The following ARL8B variants were observed in gnomAD, a reference collection of about 807,000 sequenced individuals.
ARL8B encodes the protein ARF like GTPase 8B.
In ARL8B, 9 loss-of-function variants were observed where a neutral mutation model predicts 30.6. The ratio of observed to expected loss-of-function variants is 0.29; its 90% confidence interval spans 0.18 to 0.51. ARL8B has a LOEUF of 0.51. Ranked by LOEUF, ARL8B falls within the 20% of genes least tolerant of loss-of-function variation. The pLI is 0.97. For missense variants in ARL8B, 130 were observed against 227.2 expected, an observed-to-expected ratio of 0.57 and a Z score of 2.75; for synonymous variants, 74 against 76.0, an observed-to-expected ratio of 0.97 and a Z score of 0.14.
intron 1 of ARL8B, among the ~76,000 whole-genome samples, chr3:5,138,325 C>A (rs694802): frequency 3.6e-4 from 54 of 151,860 alleles, no homozygotes; most frequent in Non-Finnish European, 5.6e-4. Context: ...TAATGACTCT[C>A]GTTCATTTGC....
At chr3:5,145,537 C>A (rs2054411787) in intron 1 of ARL8B, among the ~76,000 whole-genome samples, 1 of 152,092 alleles carries the variant, frequency 6.6e-6, no homozygotes, top group Non-Finnish European at 1.5e-5. Context: ...CTTCCCTCCC[C>A]AGGTTTGAGT....
At chr3:5,136,656 G>A (rs527576974) in intron 1 of ARL8B, among the ~76,000 whole-genome samples, 1 of 152,314 alleles carries the variant, frequency 6.6e-6, no homozygotes, top group East Asian at 1.9e-4. Flanking sequence ...GGCAGGATTT[G>A]GAAAGGGGAT....
intron 1 of ARL8B, among the ~76,000 whole-genome samples, chr3:5,132,449 G>A (rs62253641): frequency 0.11 from 16,087 of 152,066 alleles, 968 homozygotes; most frequent in Non-Finnish European, 0.14. Context: ...ATGTTGGCCA[G>A]GCTGGCCTTG....
intron 1 of ARL8B, among the ~76,000 whole-genome samples, chr3:5,169,362 CTCATT>C (rs1208742465): frequency 2.6e-5 from 4 of 151,460 alleles, no homozygotes; most frequent in East Asian, 1.9e-4. Context: ...AGACTTCTGG[CTCATT>C]TCATTTAGCA....
chr3:5,140,640 C>G (rs2054365305), intron 1 of ARL8B, among the ~76,000 whole-genome samples: 1 of 151,226 alleles, frequency 6.6e-6, no homozygotes, highest in Non-Finnish European at 1.5e-5. Flanking sequence ...TTGCTTAAAA[C>G]TGAACTAGGG....
In ARL8B at chr3:5,172,140, T is replaced by C. The variant is rs1285678996; in HGVS notation, c.205-10T>C. The C allele has an allele frequency of 1.2e-6, 2 of 1,610,630 alleles. No individual in the cohort carries two copies. Among genetic ancestry groups the C allele is most frequent in the African/African-American group, 1.3e-5 (1 of 74,926 alleles). ...ATCTTTATTAAGAATTGCCTTGTTT[T>C]GATTTAAAGATCTGGGACATAGGAG... On this transcript the variant is annotated splice_polypyrimidine_tract_variant and intron_variant, in intron 2 of 6. Transcript: ENST00000256496.
chr3:5,153,907 A>G (rs2054509676), intron 1 of ARL8B, among the ~76,000 whole-genome samples: 3 of 149,626 alleles, frequency 2.0e-5, no homozygotes, highest in Admixed American at 6.6e-5. Context: ...TTTGCTGAAT[A>G]TAGAATTTCA....
chr3:5,125,752 C>T (rs557939258), intron 1 of ARL8B, among the ~76,000 whole-genome samples: 28 of 152,206 alleles, frequency 1.8e-4, no homozygotes, highest in African/African-American at 6.5e-4. Context: ...AGGCTGTTCT[C>T]GAACTCCTGG....
intron 1 of ARL8B, among the ~76,000 whole-genome samples, chr3:5,140,026 G>T (rs1453185496): frequency 1.4e-5 from 2 of 140,756 alleles, no homozygotes; most frequent in Non-Finnish European, 3.0e-5. Flanking sequence ...TTGCTGTGTC[G>T]CCCAGGCTGG....
intron 6 of ARL8B, among the ~76,000 whole-genome samples, chr3:5,174,657 TATA>T (rs2054709690): frequency 7.0e-6 from 1 of 143,322 alleles, no homozygotes; most frequent in Non-Finnish European, 1.5e-5. Flanking sequence ...CAAATATATA[TATA>T]ATATAATATA....
chr3:5,124,854 G>A (rs535545753), intron 1 of ARL8B, among the ~76,000 whole-genome samples: 2 of 152,202 alleles, frequency 1.3e-5, no homozygotes, highest in Non-Finnish European at 2.9e-5. Context: ...CCCTTGAGAT[G>A]AGAATTGGAG....
rs137991693 is a variant in ARL8B, at chr3:5,156,204, A to G, written c.124-14299A>G. 1.1e-3 allele frequency among the ~76,000 whole-genome samples: 173 copies of G among 151,654 alleles called. 1 individual carries two copies. The highest frequency in any genetic ancestry group is 3.9e-3 in the African/African-American group (163 of 41,330). Reference sequence around the variant, plus strand: ...AGGCGTCAGCCCCCGCACTTGGCCTAAGATAATTGTTTACTGGTCTTCCTC... The same window carrying G: ...AGGCGTCAGCCCCCGCACTTGGCCTGAGATAATTGTTTACTGGTCTTCCTC... On this transcript the variant is annotated intron_variant, in intron 1 of 6. Transcript: ENST00000256496.
At chr3:5,141,489 TCACA>T (rs1255961427) in intron 1 of ARL8B, among the ~76,000 whole-genome samples, 5 of 152,206 alleles carry the variant, frequency 3.3e-5, no homozygotes, top group Admixed American at 6.5e-5. Context: ...GCTAGTCCCC[TCACA>T]CACAAGTAAT....
intron 6 of ARL8B, among the ~76,000 whole-genome samples, chr3:5,174,947 C>T (rs1004536443): frequency 5.3e-5 from 8 of 151,744 alleles, no homozygotes; most frequent in East Asian, 1.9e-4. Context: ...GGACTACAGA[C>T]GTGCACCACC....
intron 2 of ARL8B, 138 bp downstream of exon 2, chr3:5,170,721 TTTG>T (rs1025148070): frequency 8.2e-6 from 5 of 612,606 alleles, no homozygotes; most frequent in South Asian, 2.3e-5. Flanking sequence ...AATAGGTTTT[TTTG>T]TTGTTGTTTT....
At chr3:5,128,408 A>C (rs1488918909) in intron 1 of ARL8B, 1 of 450,916 alleles carries the variant, frequency 2.2e-6, no homozygotes, top group African/African-American at 2.0e-5. Context: ...TCTACCTTCC[A>C]TAAAGTTTTC....
chr3:5,168,390 T>G (rs2054641926), intron 1 of ARL8B, among the ~76,000 whole-genome samples: 1 of 152,248 alleles, frequency 6.6e-6, no homozygotes, highest in Non-Finnish European at 1.5e-5. Flanking sequence ...CTTAGTTTGT[T>G]CAACAAATAT....
intron 1 of ARL8B, among the ~76,000 whole-genome samples, chr3:5,165,118 T>C (rs1377656591): frequency 6.6e-6 from 1 of 152,208 alleles, no homozygotes; most frequent in Non-Finnish European, 1.5e-5. Context: ...CATTGTATAA[T>C]ACTAGTTTTC....
intron 1 of ARL8B, among the ~76,000 whole-genome samples, chr3:5,125,555 C>T (rs551148994): frequency 2.6e-4 from 36 of 138,888 alleles, no homozygotes; most frequent in Admixed American, 2.3e-3. Context: ...TTTTTTGAGA[C>T]GGAGTCCCGC....
Sources: gnomAD v4.1 joint callset for allele counts (sites outside exome capture counted in the v4.1 genomes callset) on GRCh38, gnomAD v4.1.1 for gene constraint, MANE v1.5 for transcripts, NCBI Gene and HGNC (gene_info 2026-07-23, HGNC 2026-07-21) for gene names.